The following PHACTR4 variants were observed in gnomAD, a reference collection of about 807,000 sequenced individuals.
PHACTR4 encodes protein phosphatase 1, regulatory subunit 124.
Under a neutral mutation model 72.7 loss-of-function variants are expected in PHACTR4, and 51 were observed. The observed-to-expected ratio is 0.70, with a 90% CI of 0.56 to 0.89. PHACTR4 has a LOEUF of 0.89. Ranked by LOEUF, PHACTR4 falls within the 40% of genes least tolerant of loss-of-function variation. The probability of loss-of-function intolerance (pLI) is 0.00; values close to 1 mark genes in which losing one functional copy is unlikely to be tolerated. For missense variants in PHACTR4, 731 were observed against 861.8 expected, an observed-to-expected ratio of 0.85 and a Z score of 1.90; for synonymous variants, 255 against 302.5, an observed-to-expected ratio of 0.84 and a Z score of 1.63.
rs145438430 is a variant in PHACTR4 at position 28,426,717 on chromosome 1, A to G, written c.16+19254A>G. Among the ~76,000 whole-genome samples the G allele has an allele frequency of 2.5e-3, 347 of 140,418 alleles. 2 individuals carry two copies. The highest frequency in any genetic ancestry group is 9.6e-3 in the African/African-American group (333 of 34,552). 92.1% of individuals were successfully genotyped at this position (140,418 alleles called of 152,430 possible). On this transcript the variant is annotated intron_variant, in intron 2 of 13. Coordinates refer to ENST00000373839, the MANE Select transcript of PHACTR4 (RefSeq NM_001048183.3). Reference sequence around the variant, plus strand: ...CTTTGAGATACTCTGTTATTACTGGAAGACTTTTTTTTTTTTTTTAATAGA... The same window carrying G: ...CTTTGAGATACTCTGTTATTACTGGGAGACTTTTTTTTTTTTTTTAATAGA...
chr1:28,491,705 A>G lies in PHACTR4; in HGVS notation c.1934A>G (p.Asn645Ser), dbSNP rs544527299. 3.7e-6 allele frequency: 6 copies of G among 1,614,200 alleles called. No homozygotes were observed. The East Asian group carries it at 1.1e-4, about 30-fold the overall frequency. Reference sequence around the variant, plus strand: ...CTTGCCAGGAAGATTCTGAGGTTTAATGAATATGTAGAGGTAACAGATGCT... The same window carrying G: ...CTTGCCAGGAAGATTCTGAGGTTTAGTGAATATGTAGAGGTAACAGATGCT... ...ELLARKILRF[N>S]EYVEVTDAQD... Residue 645 changes from asparagine to serine, a missense_variant, in exon 12 of 14, where the codon AAT becomes AGT. Physicochemically the swap from Asn to Ser is conservative, Grantham distance 46. Transcript: ENST00000373839.
At chr1:28,370,816 G>C (rs115312350) in intron 1 of PHACTR4, among the ~76,000 whole-genome samples, 1,594 of 152,204 alleles carry the variant, frequency 0.01, 26 homozygotes, top group African/African-American at 0.037. Context: ...AATTTCGGGC[G>C]TGGTGGCGCG....
chr1:28,466,231 G>C, intron 5 of PHACTR4, 151 bp from the exon 6 acceptor site: 1 of 820,650 alleles, frequency 1.2e-6, no homozygotes, highest in South Asian at 1.8e-5. Flanking sequence ...TCTTAAGTAT[G>C]GGGAGGTTGG....
intron 1 of PHACTR4, among the ~76,000 whole-genome samples, chr1:28,393,004 G>C (rs187537277): frequency 2.6e-5 from 4 of 152,088 alleles, no homozygotes; most frequent in African/African-American, 9.7e-5. Flanking sequence ...GAACAAAAAC[G>C]TACTTTGATT....
At chr1:28,429,118 G>A (rs1656063256) in intron 2 of PHACTR4, among the ~76,000 whole-genome samples, 2 of 152,198 alleles carry the variant, frequency 1.3e-5, no homozygotes, top group South Asian at 4.1e-4. Flanking sequence ...AAATAAACCA[G>A]TATTATTTGT....
At chr1:28,474,312 T>C (rs768075262) in intron 7 of PHACTR4, among the ~76,000 whole-genome samples, 161 bp downstream of exon 7, 4 of 151,792 alleles carry the variant, frequency 2.6e-5, no homozygotes, top group Non-Finnish European at 5.9e-5. Context: ...TCACCTGAGG[T>C]CAGGAGTTCA....
At chr1:28,425,897 C>A (rs1465808845) in intron 2 of PHACTR4, among the ~76,000 whole-genome samples, 1 of 152,170 alleles carries the variant, frequency 6.6e-6, no homozygotes, top group Non-Finnish European at 1.5e-5. Context: ...CTAGTTTCTA[C>A]ACATCAGTGA....
intron 1 of PHACTR4, among the ~76,000 whole-genome samples, chr1:28,392,210 T>A (rs1653106267): frequency 2.0e-5 from 3 of 152,138 alleles, no homozygotes; most frequent in South Asian, 4.1e-4. Context: ...CCTGCGTATG[T>A]CATGAATCAT....
intron 2 of PHACTR4, among the ~76,000 whole-genome samples, chr1:28,445,885 C>A (rs1657432257): frequency 6.6e-6 from 1 of 151,918 alleles, no homozygotes; most frequent in Non-Finnish European, 1.5e-5. Flanking sequence ...CAGAGCGAGA[C>A]TGTGTTTGAA....
At chr1:28,438,173 G>T in intron 2 of PHACTR4, 2 of 1,256,454 alleles carry the variant, frequency 1.6e-6, no homozygotes, top group Non-Finnish European at 2.0e-6. Context: ...GAGTGCCAGT[G>T]TGAAGACAGT....
intron 2 of PHACTR4, among the ~76,000 whole-genome samples, chr1:28,445,439 A>G (rs911105758): frequency 6.6e-6 from 1 of 151,346 alleles, no homozygotes; most frequent in African/African-American, 2.4e-5. Flanking sequence ...ATTCTCTCCA[A>G]CCATTTGGCT....
chr1:28,471,687 C>A (rs568577162), intron 6 of PHACTR4, among the ~76,000 whole-genome samples: 1 of 152,128 alleles, frequency 6.6e-6, no homozygotes, highest in Admixed American at 6.6e-5. Flanking sequence ...TCATTGTGGG[C>A]TTTGGTGAAA....
intron 2 of PHACTR4, among the ~76,000 whole-genome samples, chr1:28,458,195 G>A (rs943064756): frequency 6.6e-6 from 1 of 150,706 alleles, no homozygotes; most frequent in Admixed American, 6.7e-5. Context: ...AGGCTGGAGT[G>A]CAGTATCTTA....
At chr1:28,415,663 G>A (rs144466456) in intron 2 of PHACTR4, among the ~76,000 whole-genome samples, 3 of 152,236 alleles carry the variant, frequency 2.0e-5, no homozygotes, top group African/African-American at 7.2e-5. Context: ...ATATGAACAT[G>A]ACTTGTTGAA....
At chr1:28,375,465 T>C (rs990581365) in intron 1 of PHACTR4, among the ~76,000 whole-genome samples, 4 of 152,090 alleles carry the variant, frequency 2.6e-5, no homozygotes, top group Middle Eastern at 3.4e-3. Context: ...TCACTTTATG[T>C]TTATCCCAGG....
intron 2 of PHACTR4, among the ~76,000 whole-genome samples, chr1:28,432,678 T>C (rs1656355534): frequency 6.6e-6 from 1 of 152,106 alleles, no homozygotes; most frequent in Non-Finnish European, 1.5e-5. Flanking sequence ...ATTAGAGGGC[T>C]TTAAGTGCTG....
intron 2 of PHACTR4, among the ~76,000 whole-genome samples, chr1:28,435,473 C>G (rs372817779): frequency 1.3e-5 from 2 of 152,312 alleles, no homozygotes; most frequent in Admixed American, 6.5e-5. Context: ...CCATGTTGGC[C>G]AGGCTGGTCT....
In PHACTR4 at chr1:28,456,238, C is replaced by G. The variant is rs116453326; in HGVS notation, c.17-2847C>G. 7.5e-3 allele frequency among the ~76,000 whole-genome samples: 1,141 copies of G among 152,126 alleles called. 7 individuals carry two copies. Among genetic ancestry groups the G allele is most frequent in the Non-Finnish European group, 0.012 (836 of 68,004 alleles). On this transcript the variant is annotated intron_variant, in intron 2 of 13. Transcript: ENST00000373839. ...ATCATGAATCATGACAGAAAACCAA[C>G]CAGGAATAAGCATGTCACGTGACCA...
intron 1 of PHACTR4, among the ~76,000 whole-genome samples, chr1:28,393,062 G>C (rs1328046212): frequency 6.6e-6 from 1 of 152,098 alleles, no homozygotes; most frequent in African/African-American, 2.4e-5. Flanking sequence ...TATCCACTGG[G>C]GGCTTTGGAA....
Sources: allele counts gnomAD v4.1 joint callset (sites outside exome capture counted in the v4.1 genomes callset), GRCh38; gene constraint gnomAD v4.1.1; transcripts MANE v1.5; gene names NCBI Gene and HGNC (gene_info 2026-07-23, HGNC 2026-07-21).